Variants in ST3GAL1 observed in about 807,000 individuals in gnomAD.
ST3GAL1 encodes the protein ST3 beta-galactoside alpha-2,3-sialyltransferase 1.
In ST3GAL1, 16 loss-of-function variants were observed where a neutral mutation model predicts 34.1. That is an observed-to-expected ratio of 0.47 (90% confidence interval 0.32 to 0.71). The LOEUF (loss-of-function observed/expected upper bound fraction) is 0.71. Ranked by LOEUF, ST3GAL1 falls within the 30% of genes least tolerant of loss-of-function variation. The probability of loss-of-function intolerance (pLI) is 0.04; values close to 1 mark genes in which losing one functional copy is unlikely to be tolerated. For synonymous variants in ST3GAL1, 191 were observed against 184.7 expected, an observed-to-expected ratio of 1.03 and a Z score of -0.28; for missense variants, 353 against 447.4, an observed-to-expected ratio of 0.79 and a Z score of 1.90.
chr8:133,501,575 C>T (rs185436288), intron 2 of ST3GAL1, among the ~76,000 whole-genome samples: 90 of 152,116 alleles, frequency 5.9e-4, no homozygotes, highest in Middle Eastern at 3.4e-3. Flanking sequence ...ATGGTGAAAC[C>T]CTGTCTCAAC....
intron 5 of ST3GAL1, among the ~76,000 whole-genome samples, chr8:133,468,722 T>C (rs536063342): frequency 6.6e-6 from 1 of 152,318 alleles, no homozygotes; most frequent in East Asian, 1.9e-4. Context: ...TGATCCTGAA[T>C]GTGCGGAAAA....
intron 2 of ST3GAL1, among the ~76,000 whole-genome samples, chr8:133,543,762 T>A (rs1360768731): frequency 6.6e-6 from 1 of 151,890 alleles, no homozygotes; most frequent in Non-Finnish European, 1.5e-5. Context: ...CATAATAAGC[T>A]GGGAATGGAC....
At chr8:133,493,647 C>T (rs149813673) in intron 3 of ST3GAL1, among the ~76,000 whole-genome samples, 121 of 152,318 alleles carry the variant, frequency 7.9e-4, no homozygotes, top group African/African-American at 2.9e-3. Context: ...GAGTTTGAGA[C>T]CGGCCTGGCC....
chr8:133,539,283 T>C (rs1175190762), intron 2 of ST3GAL1, among the ~76,000 whole-genome samples: 2 of 152,212 alleles, frequency 1.3e-5, no homozygotes, highest in Non-Finnish European at 2.9e-5. Context: ...AAATTCACTG[T>C]ACCATGGAGC....
At chr8:133,521,327 C>A (rs1203501488) in intron 2 of ST3GAL1, among the ~76,000 whole-genome samples, 2 of 151,970 alleles carry the variant, frequency 1.3e-5, no homozygotes, top group Middle Eastern at 3.4e-3. Context: ...GAGACGGAAT[C>A]TTGCTCTATT....
rs1243400532 is a variant in ST3GAL1, at chr8:133,541,118, T to TAGAGAGAGAGAGAGAG, written c.-429+4655_-429+4656insCTCTCTCTCTCTCTCT. 7.3e-3 allele frequency among the ~76,000 whole-genome samples: 379 copies of TAGAGAGAGAGAGAGAG among 52,102 alleles called. 22 individuals are homozygous for TAGAGAGAGAGAGAGAG. The highest frequency in any genetic ancestry group is 9.8e-3 in the Non-Finnish European group (287 of 29,336). The allele number at this position is 52,102 out of a possible 152,430, so 34.2% of individuals were successfully genotyped here. On this transcript the variant is annotated intron_variant, in intron 2 of 9. Transcript: ENST00000522652. ...AAACATATATATATATATATATATATATAGAGAGAGAGAGAGAGAGAGAGA... is the reference window on the plus strand; with the variant it reads ...AAACATATATATATATATATATATATAGAGAGAGAGAGAGAGATAGAGAGAGAGAGAGAGAGAGAGA...
rs933069023 is a variant in ST3GAL1, at chr8:133,459,717, GA to G, written c.*46del. The G allele has an allele frequency of 1.4e-5, 22 of 1,550,702 alleles. No homozygotes were observed. Among genetic ancestry groups the G allele is most frequent in the Non-Finnish European group, 1.8e-5 (21 of 1,143,860 alleles). On this transcript the variant is annotated 3_prime_UTR_variant, in exon 10 of 10. Transcript: ENST00000522652. This position sits in a 1 kb window ranked among gnomAD's most constrained non-coding sequence, Gnocchi z 4.7. ...CGGCTCCAGCAAGATGCTGGGGCTG[GA>G]AATGCAGAGGTGTGACAGTGCGTCC...
rs1563735220 is a variant in ST3GAL1 at position 133,542,113 on chromosome 8, C to CA, written c.-429+3660_-429+3661insT. ...ATACACCACACACACACACACACAC[C>CA]CACGCACACACAGACACACACATCC... On this transcript the variant is annotated intron_variant, in intron 2 of 9. Transcript: ENST00000522652. Among the ~76,000 whole-genome samples, 1,014 of 116,422 alleles carry CA rather than the reference C, an allele frequency of 8.7e-3. 8 individuals carry two copies. The highest frequency in any genetic ancestry group is 0.027 in the African/African-American group (911 of 34,014). 76.4% of individuals were successfully genotyped at this position (116,422 alleles called of 152,430 possible).
chr8:133,501,392 C>A (rs1021642697), intron 2 of ST3GAL1, among the ~76,000 whole-genome samples: 4 of 152,134 alleles, frequency 2.6e-5, no homozygotes, highest in South Asian at 2.1e-4. Context: ...GGAGCAGTAG[C>A]TGTGGGAGAG....
chr8:133,493,579 G>A (rs1033920537), intron 3 of ST3GAL1, among the ~76,000 whole-genome samples: 2 of 152,358 alleles, frequency 1.3e-5, no homozygotes, highest in South Asian at 2.1e-4. Flanking sequence ...GGGCGTGGTG[G>A]CTCATGCCTG....
intron 2 of ST3GAL1, among the ~76,000 whole-genome samples, chr8:133,525,533 G>A (rs1817943704): frequency 6.6e-6 from 1 of 152,128 alleles, no homozygotes; most frequent in Non-Finnish European, 1.5e-5. Flanking sequence ...GTTTCACCTG[G>A]GACCTGCCCC....
At chr8:133,471,910 T>C (rs1815977519) in intron 5 of ST3GAL1, among the ~76,000 whole-genome samples, 1 of 151,942 alleles carries the variant, frequency 6.6e-6, no homozygotes, top group African/African-American at 2.4e-5. Context: ...GTCGCACTCT[T>C]TCTGTCCCTT....
In ST3GAL1 at chr8:133,459,955, A is replaced by C; in HGVS notation, c.850-18T>G. ...AAGTCCACCTGTGGGAGCAAAGCAA[A>C]GATGAGAACCAGACAGCAGGGCTGC... On this transcript the variant is annotated intron_variant, in intron 9 of 9. Transcript: ENST00000522652. This position sits in a 1 kb window ranked among gnomAD's most constrained non-coding sequence, Gnocchi z 4.7. 1 of 1,602,864 alleles carries C rather than the reference A, an allele frequency of 6.2e-7. No homozygotes were observed. The highest frequency in any genetic ancestry group is 8.5e-7 in the Non-Finnish European group (1 of 1,172,470).
At chr8:133,501,923 G>A (rs1817169339) in intron 2 of ST3GAL1, among the ~76,000 whole-genome samples, 1 of 152,170 alleles carries the variant, frequency 6.6e-6, no homozygotes, top group Non-Finnish European at 1.5e-5. Context: ...GCAGAAGATG[G>A]TGGCTTGGCC....
rs140520293 is a variant in ST3GAL1 at position 133,529,327 on chromosome 8, T to C, written c.-429+16447A>G. Among the ~76,000 whole-genome samples the C allele has an allele frequency of 4.0e-3, 615 of 152,304 alleles. 5 individuals are homozygous for C. The highest frequency in any genetic ancestry group is 0.014 in the African/African-American group (591 of 41,572). ...GCCAGAGAGGATGCGGCAGTTCTGA[T>C]GAAGAAGAGAGATGGGCCTTGGGAG... On this transcript the variant is annotated intron_variant, in intron 2 of 9. Coordinates refer to ENST00000522652, the MANE Select transcript of ST3GAL1 (RefSeq NM_173344.3).
chr8:133,512,815 T>C (rs879751221), intron 2 of ST3GAL1, among the ~76,000 whole-genome samples: 2 of 152,202 alleles, frequency 1.3e-5, no homozygotes, highest in Non-Finnish European at 2.9e-5. Context: ...AGTTATAGGA[T>C]AGGAAAGTTA....
At chr8:133,551,590 GAAAGAAAGAAAGAAAGAAA>G (rs1818858461) in intron 1 of ST3GAL1, among the ~76,000 whole-genome samples, 1 of 150,058 alleles carries the variant, frequency 6.7e-6, no homozygotes, top group African/African-American at 2.5e-5. Flanking sequence ...AAGAAAGAAA[GAAAGAAAGAAAGAAAGAAA>G]GAAAGAAAGA....
At position 133,461,842 on chromosome 8, in the gene ST3GAL1, G is replaced by A; in HGVS notation, c.849+33C>T. On this transcript the variant is annotated intron_variant, in intron 9 of 9. Coordinates refer to ENST00000522652, the MANE Select transcript of ST3GAL1 (RefSeq NM_173344.3). The surrounding 1 kb of genome is among the most constrained non-coding windows in gnomAD (Gnocchi z 4.7). ...GGGAACACAGGACGGTGAGCTTCGAGGCAGCCCTGTGGGCAGGGGGAGGGT... is the reference window on the plus strand; with the variant it reads ...GGGAACACAGGACGGTGAGCTTCGAAGCAGCCCTGTGGGCAGGGGGAGGGT... The A allele has an allele frequency of 6.2e-7, 1 of 1,613,344 alleles. No individual in the cohort carries two copies. Among genetic ancestry groups the A allele is most frequent in the Non-Finnish European group, 8.5e-7 (1 of 1,179,572 alleles).
Position 133,480,332 on chromosome 8 carries a change from G to A in ST3GAL1, c.-373-3732C>T, listed in dbSNP as rs1355421716. On this transcript the variant is annotated intron_variant, in intron 3 of 9. Transcript: ENST00000522652. ...ACTCCTCTGGCAATAGGGAGTTGAGGGGCAATGACCAGAGACTGAGAGAAC... is the reference window on the plus strand; with the variant it reads ...ACTCCTCTGGCAATAGGGAGTTGAGAGGCAATGACCAGAGACTGAGAGAAC... 2.0e-5 allele frequency among the ~76,000 whole-genome samples: 3 copies of A among 152,166 alleles called. No homozygotes were observed. The East Asian group carries it at 5.8e-4, about 29-fold the overall frequency.
Sources: gnomAD v4.1 joint callset for allele counts (sites outside exome capture counted in the v4.1 genomes callset) on GRCh38, gnomAD v4.1.1 for gene constraint, Gnocchi (gnomAD v3.1) non-coding constraint, MANE v1.5 for transcripts, NCBI Gene and HGNC (gene_info 2026-07-23, HGNC 2026-07-21) for gene names.